The following DGKH variants were observed in gnomAD, a reference collection of about 807,000 sequenced individuals.
DGKH encodes the protein DAG kinase eta.
Under a neutral mutation model 159.3 loss-of-function variants are expected in DGKH, and 90 were observed. That is an observed-to-expected ratio of 0.57 (90% CI 0.48 to 0.67). The LOEUF (loss-of-function observed/expected upper bound fraction) is 0.67, where lower values mean the gene tolerates loss of function less well. Among genes scored for constraint, DGKH ranks in the 30% least tolerant of loss-of-function variants. DGKH has a pLI of 0.00. For missense variants in DGKH, 1,181 were observed against 1,506.1 expected (o/e 0.78, Z 3.57); for synonymous variants, 536 against 553.8 (o/e 0.97, Z 0.45).
At chr13:42,186,786 ATGTT>A (rs1052055774) in intron 13 of DGKH, among the ~76,000 whole-genome samples, 19 of 152,346 alleles carry the variant, frequency 1.2e-4, no homozygotes, top group African/African-American at 4.6e-4. Flanking sequence ...AATAATTTAA[ATGTT>A]TGAGGAAAGC....
chr13:42,066,950 T>C (rs978763664), intron 1 of DGKH, among the ~76,000 whole-genome samples: 1 of 152,188 alleles, frequency 6.6e-6, no homozygotes, highest in Admixed American at 6.5e-5. Context: ...AAAGAATGTA[T>C]GTATATGTTT....
At position 42,242,818 on chromosome 13, in the gene DGKH, T is replaced by A. The variant is rs190204055; in HGVS notation, c.*13630T>A. The A allele has an allele frequency of 1.8e-4, 27 of 152,354 alleles. No individual in the cohort carries two copies. Among genetic ancestry groups the A allele is most frequent in the African/African-American group, 6.5e-4 (27 of 41,592 alleles). The allele number at this position is 152,354 out of a possible 1,614,324, so 9.4% of individuals were successfully genotyped here. A position where few individuals can be genotyped will look rare whatever the true frequency, so the allele number is the denominator to read the frequency against. ...AAGTAATGGTTGATCCTGATGTACA[T>A]GATGATGAAAGACATCTTTCCCAAA... On this transcript the variant is annotated 3_prime_UTR_variant, in exon 30 of 30. Transcript: ENST00000337343.
intron 24 of DGKH, among the ~76,000 whole-genome samples, chr13:42,213,665 G>C (rs1179956384): frequency 2.0e-5 from 3 of 152,072 alleles, no homozygotes; most frequent in Non-Finnish European, 2.9e-5. Flanking sequence ...TCTTGGTTCA[G>C]CTATATAGGG....
At chr13:42,160,254 G>T in intron 7 of DGKH, 118 bp downstream of exon 7, 16 of 1,330,082 alleles carry the variant, frequency 1.2e-5, no homozygotes, top group Admixed American at 1.7e-5. Context: ...GGTAGCATAC[G>T]CATCTCATGA....
At chr13:42,065,044 C>G (rs1205061645) in intron 1 of DGKH, among the ~76,000 whole-genome samples, 1 of 152,120 alleles carries the variant, frequency 6.6e-6, no homozygotes, top group African/African-American at 2.4e-5. Flanking sequence ...AAACCTTCAG[C>G]CTGGCATACA....
At position 42,157,991 on chromosome 13, in the gene DGKH, C is replaced by G. The variant is rs538323085; in HGVS notation, c.623-1275C>G. ...ACCAGGCTGGTCTCAAACTCCTGAC[C>G]TCAGGTGATCCACCACCTCAGCGTC... On this transcript the variant is annotated intron_variant, in intron 5 of 29. Coordinates refer to ENST00000337343, the MANE Select transcript of DGKH (RefSeq NM_178009.5). 2.6e-5 allele frequency among the ~76,000 whole-genome samples: 4 copies of G among 152,280 alleles called. No homozygotes were observed. The East Asian group carries it at 5.8e-4, about 22-fold the overall frequency.
At chr13:42,129,338 G>T (rs1201201345) in intron 2 of DGKH, among the ~76,000 whole-genome samples, 1 of 152,200 alleles carries the variant, frequency 6.6e-6, no homozygotes, top group Non-Finnish European at 1.5e-5. Flanking sequence ...AGTGTTCCCA[G>T]GGTGTCTTTA....
intron 1 of DGKH, among the ~76,000 whole-genome samples, chr13:42,061,841 C>G (rs1463257663): frequency 6.6e-6 from 1 of 152,090 alleles, no homozygotes; most frequent in African/African-American, 2.4e-5. Context: ...AACATAAAAG[C>G]CCTGCTGTTA....
chr13:42,115,509 A>G (rs1283436958), intron 1 of DGKH, among the ~76,000 whole-genome samples: 1 of 152,156 alleles, frequency 6.6e-6, no homozygotes, highest in East Asian at 1.9e-4. Flanking sequence ...GATAGTGGCC[A>G]GAGCTTTGAA....
intron 1 of DGKH, among the ~76,000 whole-genome samples, chr13:42,072,426 A>G (rs1277034872): frequency 6.6e-6 from 1 of 152,248 alleles, no homozygotes; most frequent in Non-Finnish European, 1.5e-5. Context: ...TGTGGCTGGA[A>G]CATATTGGTT....
chr13:42,087,083 A>ACACACACC (rs1301819914), intron 1 of DGKH, among the ~76,000 whole-genome samples: 1 of 143,846 alleles, frequency 7.0e-6, no homozygotes, highest in African/African-American at 2.6e-5. Flanking sequence ...ACACACACAC[A>ACACACACC]CCTCAGAACA....
intron 1 of DGKH, among the ~76,000 whole-genome samples, chr13:42,096,770 A>G (rs557758116): frequency 2.6e-5 from 4 of 152,340 alleles, no homozygotes; most frequent in Admixed American, 1.3e-4. Context: ...AGATGGAGGT[A>G]TCATCATTTG....
chr13:42,194,962 G>A lies in DGKH; in HGVS notation c.2113G>A (p.Val705Met), dbSNP rs1957168377. The change falls in exon 17 of 30, where the codon GTG (valine) becomes ATG (methionine). Residue 705 changes from valine to methionine, a missense_variant. By Grantham distance (21) the Val-to-Met change is conservative. Around this residue, in one of 5 missense-constraint regions of DGKH, gnomAD observed 257 missense variants for 281.5 expected, o/e 0.91. Transcript: ENST00000337343. ...SQTDSVPGPAVAASKENLPVL... is the reference protein window; with the variant it reads ...SQTDSVPGPAMAASKENLPVL... Reference sequence around the variant, plus strand: ...AACTGATTCTGTCCCTGGTCCAGCTGTGGCAGCCAGCAAAGAAAACCTCCC... The same window carrying A: ...AACTGATTCTGTCCCTGGTCCAGCTATGGCAGCCAGCAAAGAAAACCTCCC... 1 of 1,613,966 alleles carries A rather than the reference G, an allele frequency of 6.2e-7. No individual in the cohort carries two copies. The highest frequency in any genetic ancestry group is 1.7e-5 in the Admixed American group (1 of 59,990).
chr13:42,240,513 C>T lies in DGKH; in HGVS notation c.*11325C>T, dbSNP rs1442163914. The T allele has an allele frequency of 6.6e-6, 1 of 152,098 alleles. No individual in the cohort carries two copies. The highest frequency in any genetic ancestry group is 1.5e-5 in the Non-Finnish European group (1 of 68,026). 9.4% of individuals were successfully genotyped at this position (152,098 alleles called of 1,614,324 possible). On this transcript the variant is annotated 3_prime_UTR_variant, in exon 30 of 30. Transcript: ENST00000337343. ...TATACAGTCCACATAAATACATATA[C>T]TGATTACCTACAGACAATAATGAGA...
rs1566192796 is a variant in DGKH, at chr13:42,207,153, CCTTCCT to C, written c.2601+1008_2601+1013del. ...TCCTTCCTTCCTTCCTTCCTTCCTT[CCTTCCT>C]TCCTTCCTTCCTTCCTTCCTTCCTT... On this transcript the variant is annotated intron_variant, in intron 21 of 29. Coordinates refer to ENST00000337343, the MANE Select transcript of DGKH (RefSeq NM_178009.5). Among the ~76,000 whole-genome samples the C allele has an allele frequency of 1.3e-3, 97 of 73,800 alleles. 16 individuals are homozygous for C. The highest frequency in any genetic ancestry group is 4.4e-3 in the Admixed American group (21 of 4,748). The allele number at this position is 73,800 out of a possible 152,430, so 48.4% of individuals were successfully genotyped here. A position where few individuals can be genotyped will look rare whatever the true frequency, so the allele number is the denominator to read the frequency against.
chr13:42,151,607 ACACACACC>A (rs1393574088), intron 3 of DGKH, among the ~76,000 whole-genome samples: 1 of 132,638 alleles, frequency 7.5e-6, no homozygotes, highest in African/African-American at 2.7e-5. Context: ...ACACACACAC[ACACACACC>A]CCATGGAAAA....
At chr13:42,052,715 C>T (rs1036054848) in intron 1 of DGKH, among the ~76,000 whole-genome samples, 2 of 152,192 alleles carry the variant, frequency 1.3e-5, no homozygotes, top group Admixed American at 6.5e-5. Flanking sequence ...TTTTTGTTGG[C>T]CCATGAATAC....
chr13:42,244,484 T>C (rs964055157), downstream of DGKH, among the ~76,000 whole-genome samples: 3 of 152,326 alleles, frequency 2.0e-5, no homozygotes, highest in East Asian at 5.8e-4. Flanking sequence ...GGAAAGCAGC[T>C]GGCAAAGCAG....
chr13:42,111,073 G>T (rs1175542577), intron 1 of DGKH, among the ~76,000 whole-genome samples: 3 of 151,956 alleles, frequency 2.0e-5, no homozygotes, highest in African/African-American at 7.3e-5. Context: ...ATTAAAAAAA[G>T]AAAAATACAT....
Sources: allele counts gnomAD v4.1 joint callset (sites outside exome capture counted in the v4.1 genomes callset), GRCh38; gene constraint gnomAD v4.1.1; regional missense constraint gnomAD v4.1.1; transcripts MANE v1.5; gene names NCBI Gene and HGNC (gene_info 2026-07-23, HGNC 2026-07-21).